The following FNDC1 variants were observed in gnomAD, a reference collection of about 807,000 sequenced individuals.
FNDC1 encodes the protein fibronectin type III domain-containing protein 1.
In FNDC1, 96 loss-of-function variants were observed where a neutral mutation model predicts 168.0. That is an observed-to-expected ratio of 0.57 (90% CI 0.48 to 0.68). FNDC1 has a LOEUF of 0.68. Among genes scored for constraint, FNDC1 ranks in the 30% least tolerant of loss-of-function variants. FNDC1 has a pLI of 0.00. For synonymous variants in FNDC1, 1,099 were observed against 1,025.9 expected, an observed-to-expected ratio of 1.07 and a Z score of -1.36; for missense variants, 2,587 against 2,482.1, an observed-to-expected ratio of 1.04 and a Z score of -0.90.
chr6:159,230,539 T>TA (rs1176943724), intron 10 of FNDC1, among the ~76,000 whole-genome samples: 1 of 152,184 alleles, frequency 6.6e-6, no homozygotes, highest in Non-Finnish European at 1.5e-5. Flanking sequence ...ATCTAAAATT[T>TA]AAAAATAAGA....
chr6:159,208,844 ATTTTTTTT>A lies in FNDC1; in HGVS notation c.461-6088_461-6081del, dbSNP rs369408600. Among the ~76,000 whole-genome samples the A allele has an allele frequency of 9.4e-5, 12 of 128,082 alleles. No individual in the cohort carries two copies. In the South Asian group the frequency reaches 2.7e-3, roughly 29 times the overall value. The allele number at this position is 128,082 out of a possible 152,430, so 84.0% of individuals were successfully genotyped here. On this transcript the variant is annotated intron_variant, in intron 4 of 22. Coordinates refer to ENST00000297267, the MANE Select transcript of FNDC1 (RefSeq NM_032532.3). ...GCCAGGCATTCAAATGTTATTTTTA[ATTTTTTTT>A]TTTTTTTTTTTTGAGACAGAGTCTC...
At chr6:159,194,171 A>T (rs1411313872) in intron 1 of FNDC1, among the ~76,000 whole-genome samples, 1 of 152,114 alleles carries the variant, frequency 6.6e-6, no homozygotes. Flanking sequence ...CATTTAACCC[A>T]ATTCCCTTAG....
rs974091478 is a variant in FNDC1 at position 159,197,673 on chromosome 6, A to C, written c.304+48A>C. 8 of 1,510,712 alleles carry C rather than the reference A, an allele frequency of 5.3e-6. 1 individual carries two copies. In the Admixed American group the frequency reaches 7.2e-5, roughly 14 times the overall value. 93.6% of individuals were successfully genotyped at this position (1,510,712 alleles called of 1,614,324 possible). ...TCCCAGTCAGAATTAACTGTGCACC[A>C]ACATTCTCAGTTGCATTCTTAGGAT... On this transcript the variant is annotated intron_variant, in intron 2 of 22. Coordinates refer to ENST00000297267, the MANE Select transcript of FNDC1 (RefSeq NM_032532.3).
At position 159,238,584 on chromosome 6, in the gene FNDC1, A is replaced by C. The variant is rs765016859; in HGVS notation, c.4099A>C (p.Asn1367His). The change falls in exon 13 of 23, where the codon AAT (asparagine) becomes CAT (histidine). Residue 1367 changes from asparagine (N) to histidine (H), a missense_variant. Asn to His is a moderately conservative substitution (Grantham distance 68, BLOSUM62 1). Transcript: ENST00000297267. The stretch of plus-strand genomic sequence containing the variant: ...GGACCTTGATCGTGGGTTAGTATTG[A>C]ATGCAGAAGGAAGGTACCTCCAAGA... ...VVDLDRGLVL[N>H]AEGRYLQDSH... is the part of the protein sequence containing the mutation. 6.2e-7 allele frequency: 1 copy of C among 1,611,908 alleles called. No individual in the cohort carries two copies. The highest frequency in any genetic ancestry group is 8.5e-7 in the Non-Finnish European group (1 of 1,179,174).
At chr6:159,206,672 TG>T (rs1262919734) in intron 4 of FNDC1, among the ~76,000 whole-genome samples, 2 of 152,246 alleles carry the variant, frequency 1.3e-5, no homozygotes, top group African/African-American at 4.8e-5. Flanking sequence ...CAAGCCCGTT[TG>T]TTGAACTCAG....
At chr6:159,247,085 T>C (rs555384161) in intron 15 of FNDC1, 116 bp downstream of exon 15, 88 of 800,658 alleles carry the variant, frequency 1.1e-4, no homozygotes, top group African/African-American at 9.1e-4. Context: ...TTTGGGCCGG[T>C]GGCAATGCCG....
chr6:159,221,136 C>T (rs183401501), intron 5 of FNDC1, among the ~76,000 whole-genome samples: 1 of 152,236 alleles, frequency 6.6e-6, no homozygotes, highest in African/African-American at 2.4e-5. Context: ...CTGGGCTACT[C>T]ATGTTGCACA....
rs758667184 is a variant in FNDC1 at position 159,239,657 on chromosome 6, A to C, written c.4321A>C (p.Lys1441Gln). The C allele has an allele frequency of 6.4e-6, 10 of 1,551,970 alleles. No individual in the cohort carries two copies. Among genetic ancestry groups the C allele is most frequent in the Non-Finnish European group, 7.0e-6 (8 of 1,147,286 alleles). ...GCCGCTGGTGGGCTTGGAGGTCATCAAAAAAACCACCCATCCCCCTACCAC... is the reference window on the plus strand; with the variant it reads ...GCCGCTGGTGGGCTTGGAGGTCATCCAAAAAACCACCCATCCCCCTACCAC... ...GKPLVGLEVIKKTTHPPTTTM... is the reference protein window; with the variant it reads ...GKPLVGLEVIQKTTHPPTTTM... The change falls in exon 14 of 23, where the codon AAA becomes CAA. Residue 1441 changes from lysine to glutamine, a missense_variant. Lys to Gln is a moderately conservative substitution (Grantham distance 53). Transcript: ENST00000297267.
At position 159,268,040 on chromosome 6, in the gene FNDC1, G is replaced by A. The variant is rs537007831; in HGVS notation, c.5569+114G>A. 146 of 1,104,856 alleles carry A rather than the reference G, an allele frequency of 1.3e-4. No homozygotes were observed. The African/African-American group carries it at 2.2e-3, about 17-fold the overall frequency. 68.4% of individuals were successfully genotyped at this position (1,104,856 alleles called of 1,614,324 possible). ...GCCTTGTCATTCGAAGATGGATGTT[G>A]GGAGCACTTAAGGTCATAAAAATAA... is the stretch of plus-strand genomic sequence containing the variant. On this transcript the variant is annotated intron_variant, in intron 22 of 22. Transcript: ENST00000297267.
intron 18 of FNDC1, among the ~76,000 whole-genome samples, chr6:159,260,559 C>A (rs912951001): frequency 6.6e-6 from 1 of 152,146 alleles, no homozygotes; most frequent in African/African-American, 2.4e-5. Context: ...AAGGTGGTCC[C>A]TTCCCAGCTC....
intron 4 of FNDC1, among the ~76,000 whole-genome samples, chr6:159,207,407 A>C (rs1174570824): frequency 6.6e-6 from 1 of 152,164 alleles, no homozygotes; most frequent in Non-Finnish European, 1.5e-5. Context: ...CTTGCCTTCC[A>C]GTCCTGGAAG....
chr6:159,238,487 T>C, intron 12 of FNDC1, 67 bp from the exon 13 acceptor site: 2 of 1,048,836 alleles, frequency 1.9e-6, no homozygotes, highest in South Asian at 3.0e-5. Flanking sequence ...TATATACATA[T>C]ATAATTGGAC....
Position 159,169,767 on chromosome 6 carries a change from GC to G in FNDC1, c.109+66del. The G allele has an allele frequency of 1.5e-6, 1 of 653,802 alleles. No homozygotes were observed. Among genetic ancestry groups the G allele is most frequent in the Non-Finnish European group, 2.0e-6 (1 of 490,300 alleles). The allele number at this position is 653,802 out of a possible 1,614,324, so 40.5% of individuals were successfully genotyped here. A position where few individuals can be genotyped will look rare whatever the true frequency, so the allele number is the denominator to read the frequency against. ...TCCCCGCGCACCCTCCTGCGCTCGGGCCCCGTCGTCCCGCTCAGTGCTGGCT... is the reference window on the plus strand; with the variant it reads ...TCCCCGCGCACCCTCCTGCGCTCGGGCCCGTCGTCCCGCTCAGTGCTGGCT... On this transcript the variant is annotated intron_variant, in intron 1 of 22. Coordinates refer to ENST00000297267, the MANE Select transcript of FNDC1 (RefSeq NM_032532.3). The surrounding 1 kb of genome is among the most constrained non-coding windows in gnomAD (Gnocchi z 6.8).
chr6:159,209,561 A>G (rs1350609412), intron 4 of FNDC1, among the ~76,000 whole-genome samples: 1 of 152,122 alleles, frequency 6.6e-6, no homozygotes, highest in Non-Finnish European at 1.5e-5. Context: ...ATTTGATGAC[A>G]CCCAGGATGT....
intron 19 of FNDC1, among the ~76,000 whole-genome samples, chr6:159,261,852 A>G (rs1777491566): frequency 6.6e-6 from 1 of 152,194 alleles, no homozygotes; most frequent in African/African-American, 2.4e-5. Context: ...CTGTAATCCC[A>G]ACACTTTGGG....
chr6:159,248,879 T>A (rs1777193287), intron 15 of FNDC1, among the ~76,000 whole-genome samples, 160 bp from the exon 16 acceptor site: 1 of 152,152 alleles, frequency 6.6e-6, no homozygotes, highest in South Asian at 2.1e-4. Flanking sequence ...AGAAACAAAT[T>A]ACGTTTGGGC....
In FNDC1 at chr6:159,173,576, C is replaced by G. The variant is rs183606342; in HGVS notation, c.109+3871C>G. Among the ~76,000 whole-genome samples the G allele has an allele frequency of 2.6e-5, 4 of 152,280 alleles. No individual in the cohort carries two copies. In the East Asian group the frequency reaches 7.7e-4, roughly 29 times the overall value. ...CCTGGAAAGTTATCACCAGACAGTT[C>G]CAGAGCATGATGAATATACTCTACC... On this transcript the variant is annotated intron_variant, in intron 1 of 22. Coordinates refer to ENST00000297267, the MANE Select transcript of FNDC1 (RefSeq NM_032532.3).
intron 4 of FNDC1, among the ~76,000 whole-genome samples, chr6:159,214,063 G>A (rs552986): frequency 0.14 from 21,088 of 152,220 alleles, 1,712 homozygotes; most frequent in East Asian, 0.37. Flanking sequence ...TATGGAGGAA[G>A]AATGCTTGGG....
At chr6:159,254,633 G>A (rs1055429555) in intron 17 of FNDC1, among the ~76,000 whole-genome samples, 2 of 149,808 alleles carry the variant, frequency 1.3e-5, no homozygotes, top group African/African-American at 4.9e-5. Flanking sequence ...GTGTGAACCC[G>A]GGAGGTGGAG....
Sources: allele counts gnomAD v4.1 joint callset (sites outside exome capture counted in the v4.1 genomes callset), GRCh38; gene constraint gnomAD v4.1.1; non-coding constraint Gnocchi (gnomAD v3.1); transcripts MANE v1.5; gene names NCBI Gene and HGNC (gene_info 2026-07-23, HGNC 2026-07-21).